The following CCDC78 variants were observed in gnomAD, a reference collection of about 807,000 sequenced individuals.
CCDC78 encodes coiled-coil domain containing 78.
A neutral mutation model predicts 61.9 loss-of-function variants in CCDC78; 78 were observed. The ratio of observed to expected loss-of-function variants is 1.26; its 90% CI spans 1.05 to 1.52. CCDC78 has a LOEUF of 1.52. Ranked by LOEUF, CCDC78 falls within the 40% of genes most tolerant of loss-of-function variation. The pLI, the probability that CCDC78 is intolerant of heterozygous loss-of-function variation, is 0.00. For synonymous variants in CCDC78, 287 were observed against 251.9 expected, an observed-to-expected ratio of 1.14 and a Z score of -1.32; for missense variants, 737 against 615.5, an observed-to-expected ratio of 1.20 and a Z score of -2.09.
rs1313381598 is a variant in CCDC78 at position 725,079 on chromosome 16, C to T, written c.559G>A (p.Val187Met). Reference sequence around the variant, plus strand: ...GCCCCAGGTGAGATGGCCACTCACACACGCGTCACCAGTGCCTGCTGCCGG... The same window carrying T: ...GCCCCAGGTGAGATGGCCACTCACATACGCGTCACCAGTGCCTGCTGCCGG... ...EARQQALVTR[V>M]ATLGRQLQGA... The change falls in exon 6 of 14, where the codon GTG becomes ATG. Residue 187 changes from valine (V) to methionine (M), a missense_variant and splice_region_variant. Transcript: ENST00000345165. The T allele has an allele frequency of 1.2e-6, 2 of 1,612,744 alleles. No individual in the cohort carries two copies. Among genetic ancestry groups the T allele is most frequent in the South Asian group, 1.1e-5 (1 of 91,086 alleles).
rs2040633002 is a variant in CCDC78 at position 724,470 on chromosome 16, C to G, written c.805G>C (p.Ala269Pro). 1 of 1,601,554 alleles carries G rather than the reference C, an allele frequency of 6.2e-7. No homozygotes were observed. Among genetic ancestry groups the G allele is most frequent in the Non-Finnish European group, 8.5e-7 (1 of 1,179,686 alleles). The change falls in exon 9 of 14, where the codon GCC becomes CCC. Residue 269 changes from alanine to proline, a missense_variant. By Grantham distance (27) the Ala-to-Pro change is conservative (BLOSUM62 -1). Transcript: ENST00000345165. ...GTCGCCTCCAGGAATGTCCGGAGGGCCGTGGTGGCTGGCGCTTGGCCTGCA... is the reference window on the plus strand; with the variant it reads ...GTCGCCTCCAGGAATGTCCGGAGGGGCGTGGTGGCTGGCGCTTGGCCTGCA... ...DGAGQAPATT[A>P]LRTFLEATLE... is the part of the protein sequence containing the mutation.
chr16:726,704 T>TACG, upstream of CCDC78: 1 of 460,954 alleles, frequency 2.2e-6, no homozygotes, highest in South Asian at 2.9e-5. Context: ...GCCCGCAGGA[T>TACG]GCCCTGAGCT....
intron 4 of CCDC78, 47 bp from the exon 5 acceptor site, chr16:725,340 A>G: frequency 6.2e-7 from 1 of 1,611,098 alleles, no homozygotes; most frequent in South Asian, 1.1e-5. Flanking sequence ...GGTGAGCCCC[A>G]GTTTCACTGA....
chr16:725,657 C>T, intron 3 of CCDC78, 77 bp from the exon 4 acceptor site: 2 of 1,580,654 alleles, frequency 1.3e-6, no homozygotes, highest in Non-Finnish European at 1.7e-6. Context: ...CCGGTGCACG[C>T]TCAGGGGCGC....
At position 724,704 on chromosome 16, in the gene CCDC78, G is replaced by A. The variant is rs2040671857; in HGVS notation, c.742C>T (p.Gln248Ter). 3.1e-6 allele frequency: 5 copies of A among 1,611,510 alleles called. No individual in the cohort carries two copies. Among genetic ancestry groups the A allele is most frequent in the Non-Finnish European group, 4.2e-6 (5 of 1,179,714 alleles). The stretch of plus-strand genomic sequence containing the variant: ...ACCACTGCCTGCCAGGCGCAGTGTT[G>A]CAGCCGTAGGACGTACTCATCCTTC... ...KLKDEYVLRL[Q>*]HCAWQAVEHA... The change falls in exon 8 of 14, where the codon CAA becomes TAA. Residue 248 changes from glutamine to a stop codon, truncating the protein, a stop_gained. Transcript: ENST00000345165. LOFTEE classifies it high-confidence loss of function.
At position 724,934 on chromosome 16, in the gene CCDC78, G is replaced by A. The variant is rs765910412; in HGVS notation, c.616C>T (p.Gln206Ter). The A allele has an allele frequency of 3.1e-6, 5 of 1,607,846 alleles. No homozygotes were observed. Among genetic ancestry groups the A allele is most frequent in the Middle Eastern group, 1.6e-4 (1 of 6,064 alleles). ...ACCACAGCCTGTGTGGCCAGTCGCT[G>A]CCCGGCTGCCCTGGCCTCCTCTCGG... ...GAREEARAAG[Q>*]RLATQAVVLC... Residue 206 changes from glutamine (Q) to a stop codon, truncating the protein, a stop_gained, in exon 7 of 14, where the codon CAG becomes TAG. Transcript: ENST00000345165. LOFTEE classifies it high-confidence loss of function.
In CCDC78 at chr16:723,853, T is replaced by C. The variant is rs1362204395; in HGVS notation, c.1133+4A>G. 1 of 1,580,548 alleles carries C rather than the reference T, an allele frequency of 6.3e-7. No homozygotes were observed. The highest frequency in any genetic ancestry group is 8.6e-7 in the Non-Finnish European group (1 of 1,163,438). On this transcript the variant is annotated splice_donor_region_variant and intron_variant, in intron 11 of 13. Transcript: ENST00000345165. ...GCCTCCCCCACACCCATGAGGGCAC[T>C]CACTGTGGCTCTGATGTTCCCCCCT...
Position 724,413 on chromosome 16 carries a change from G to A in CCDC78, c.862C>T (p.Arg288Cys), listed in dbSNP as rs764179609. The A allele has an allele frequency of 5.2e-5, 83 of 1,609,914 alleles. No homozygotes were observed. The highest frequency in any genetic ancestry group is 1.6e-4 in the Middle Eastern group (1 of 6,082). ...LEDIRAAHRS[R>C]EQQLARAARS... Reference sequence around the variant, plus strand: ...GCAGCCCGGGCCAGCTGCTGCTCACGGCTGCGGTGCGCTGCCCGGATGTCC... The same window carrying A: ...GCAGCCCGGGCCAGCTGCTGCTCACAGCTGCGGTGCGCTGCCCGGATGTCC... The change falls in exon 9 of 14, where the codon CGT becomes TGT. Residue 288 changes from arginine to cysteine, a missense_variant. Physicochemically the swap from Arg to Cys is radical, Grantham distance 180. Coordinates refer to ENST00000345165, the MANE Select transcript of CCDC78 (RefSeq NM_001378030.1).
chr16:723,529 C>CA (rs1421922468), intron 11 of CCDC78: 1 of 672,636 alleles, frequency 1.5e-6, no homozygotes, highest in African/African-American at 1.8e-5. Flanking sequence ...GGCCCAGAGG[C>CA]AAGGGCTGGC....
At chr16:723,322 A>C (rs1222685841) in intron 11 of CCDC78, 161 bp from the exon 12 acceptor site, 18 of 803,102 alleles carry the variant, frequency 2.2e-5, no homozygotes, top group Middle Eastern at 2.2e-4. Flanking sequence ...CGCCCCCCCC[A>C]GGCCTTGGAG....
Position 724,997 on chromosome 16 carries a change from C to CA in CCDC78, c.561-9dup. ...TGCCGGCCCAGGGTTGCCCTGAAGA[C>CA]ACGGGGGTGAGGCTCAGCAGGCCCA... On this transcript the variant is annotated splice_polypyrimidine_tract_variant and intron_variant, in intron 6 of 13. Coordinates refer to ENST00000345165, the MANE Select transcript of CCDC78 (RefSeq NM_001378030.1). The CA allele has an allele frequency of 1.2e-6, 2 of 1,612,276 alleles. No individual in the cohort carries two copies. Among genetic ancestry groups the CA allele is most frequent in the Non-Finnish European group, 1.7e-6 (2 of 1,179,664 alleles).
intron 11 of CCDC78, chr16:723,589 C>T (rs781337080): frequency 5.8e-5 from 40 of 686,452 alleles, no homozygotes; most frequent in South Asian, 1.1e-4. Flanking sequence ...CAGGTCTCAG[C>T]GGAAACCTCC....
chr16:725,890 G>A lies in CCDC78; in HGVS notation c.181-10C>T. ...CCAGCTCCTTGGAGATCTGTGGGTG[G>A]CCAGGTGAGAGGTGGCGTCTGTGGG... On this transcript the variant is annotated splice_polypyrimidine_tract_variant and intron_variant, in intron 2 of 13. Coordinates refer to ENST00000345165, the MANE Select transcript of CCDC78 (RefSeq NM_001378030.1). 6.2e-7 allele frequency: 1 copy of A among 1,606,780 alleles called. No individual in the cohort carries two copies. Among genetic ancestry groups the A allele is most frequent in the Non-Finnish European group, 8.5e-7 (1 of 1,176,348 alleles).
chr16:724,419 G>A lies in CCDC78; in HGVS notation c.856C>T (p.Arg286Cys), dbSNP rs540243094. ...ATLEDIRAAH[R>C]SREQQLARAA... is the part of the protein sequence containing the mutation. ...CGGGCCAGCTGCTGCTCACGGCTGC[G>A]GTGCGCTGCCCGGATGTCCTCCAGA... is the stretch of plus-strand genomic sequence containing the variant. The change falls in exon 9 of 14, where the codon CGC becomes TGC. Residue 286 changes from arginine (R) to cysteine (C), a missense_variant. Physicochemically the swap from Arg to Cys is radical, Grantham distance 180. Transcript: ENST00000345165. The A allele has an allele frequency of 7.6e-5, 122 of 1,609,300 alleles. No individual in the cohort carries two copies. In the East Asian group the frequency reaches 8.7e-4, roughly 11 times the overall value.
At chr16:726,713 CTA>C, upstream of CCDC78, 1 of 447,644 alleles carries the variant, frequency 2.2e-6, no homozygotes, top group South Asian at 2.9e-5. Flanking sequence ...ATGCCCTGAG[CTA>C]CACTCGCTGG....
intron 11 of CCDC78, 63 bp from the exon 12 acceptor site, chr16:723,224 G>T (rs754786559): frequency 6.4e-7 from 1 of 1,553,724 alleles, no homozygotes; most frequent in Non-Finnish European, 8.8e-7. Context: ...AGGGACAGAC[G>T]TGACCGTGCT....
At chr16:723,254 G>A (rs750408696) in intron 11 of CCDC78, 93 bp from the exon 12 acceptor site, 10 of 1,348,382 alleles carry the variant, frequency 7.4e-6, no homozygotes, top group South Asian at 4.9e-5. Context: ...TCCCAGAGCC[G>A]GGAGGGGACA....
rs1160424827 is a variant in CCDC78 at position 725,240 on chromosome 16, G to A, written c.489C>T (p.Ser163=). The A allele has an allele frequency of 1.5e-5, 24 of 1,607,836 alleles. No homozygotes were observed. Among genetic ancestry groups the A allele is most frequent in the Non-Finnish European group, 1.8e-5 (21 of 1,179,946 alleles). The change falls in exon 5 of 14, where the codon AGC becomes AGT. Residue 163 remains serine (S), a synonymous_variant. Coordinates refer to ENST00000345165, the MANE Select transcript of CCDC78 (RefSeq NM_001378030.1). ...NPENEQHRLG[S]GLQGEVKWAL... ...AGCTAGGTGGCTGCACACTCACGCC[G>A]CTCCCCAGCCTGTGCTGCTCATTCT... is the stretch of plus-strand genomic sequence containing the variant.
intron 6 of CCDC78, 27 bp downstream of exon 6, chr16:725,050 TG>T: frequency 6.2e-7 from 1 of 1,612,556 alleles, no homozygotes; most frequent in Non-Finnish European, 8.5e-7. Context: ...TGCTCCAGGA[TG>T]GGGCCCCAGG....
Sources: allele counts gnomAD v4.1 joint callset, GRCh38; gene constraint gnomAD v4.1.1; transcripts MANE v1.5; gene names NCBI Gene and HGNC (gene_info 2026-07-23, HGNC 2026-07-21).